PRKX: variants seen among roughly 807,000 people sequenced by gnomAD.
PRKX encodes the protein protein kinase cAMP-dependent X-linked catalytic subunit.
PRKX carries 12 observed loss-of-function variants against 22.0 expected under a neutral mutation model. The observed-to-expected ratio is 0.54, with a 90% confidence interval of 0.35 to 0.88. The LOEUF (loss-of-function observed/expected upper bound fraction) is 0.88. Ranked by LOEUF, PRKX falls within the 40% of genes least tolerant of loss-of-function variation. The probability of loss-of-function intolerance (pLI) is 0.01; values close to 1 mark genes in which losing one functional copy is unlikely to be tolerated. For synonymous variants in PRKX, 134 were observed against 137.7 expected (o/e 0.97, Z 0.19); for missense variants, 217 against 308.0 (o/e 0.70, Z 2.21).
intron 1 of PRKX, among the ~76,000 whole-genome samples, chrX:3,699,043 A>AT (rs1162048420): frequency 1.5e-3 from 93 of 60,787 alleles, no homozygotes; most frequent in Non-Finnish European, 2.1e-3. Flanking sequence ...TTTTTATTTT[A>AT]TTTTTTTTTT....
chrX:3,644,296 G>A (rs1407035920), intron 3 of PRKX, among the ~76,000 whole-genome samples: 2 of 103,181 alleles, frequency 1.9e-5, no homozygotes, highest in Non-Finnish European at 3.9e-5. Flanking sequence ...CAGCTAGTCG[G>A]GAGGCTGAGA....
At chrX:3,662,123 T>C (rs1335004785) in intron 2 of PRKX, among the ~76,000 whole-genome samples, 4 of 111,425 alleles carry the variant, frequency 3.6e-5, no homozygotes, top group African/African-American at 1.3e-4. Flanking sequence ...CTTTGCAGGC[T>C]TGATGTGGAA....
At chrX:3,681,083 A>G (rs1403680511) in intron 1 of PRKX, among the ~76,000 whole-genome samples, 1 of 109,453 alleles carries the variant, frequency 9.1e-6, no homozygotes, top group Non-Finnish European at 1.9e-5. Context: ...AAAAATAAAT[A>G]AATAAAAAAT....
Position 3,713,074 on chromosome X carries a change from C to G in PRKX, c.166+14G>C. ...GCGCCCCTGTGGGCCGAGTCCCCGC[C>G]CGCACTCACTCACCCACGGTGGCCA... On this transcript the variant is annotated intron_variant, in intron 1 of 8. Coordinates refer to ENST00000262848, the MANE Select transcript of PRKX (RefSeq NM_005044.5). The G allele has an allele frequency of 2.6e-6, 3 of 1,158,284 alleles. No individual in the cohort carries two copies. In the South Asian group the frequency reaches 5.7e-5, roughly 22 times the overall value.
chrX:3,677,816 G>T (rs1927995632), intron 1 of PRKX, among the ~76,000 whole-genome samples: 2 of 111,745 alleles, frequency 1.8e-5, no homozygotes, highest in South Asian at 7.4e-4. Flanking sequence ...GAAATAGAAA[G>T]TGAACTACAA....
At position 3,631,510 on chromosome X, in the gene PRKX, A is replaced by G. The variant is rs750925620; in HGVS notation, c.720-4996T>C. 8.3e-5 allele frequency among the ~76,000 whole-genome samples: 9 copies of G among 108,435 alleles called. No individual in the cohort carries two copies. In the South Asian group the frequency reaches 3.6e-3, roughly 43 times the overall value. The allele number at this position is 108,435 out of a possible 115,157, so 94.2% of individuals were successfully genotyped here. A position where few individuals can be genotyped will look rare whatever the true frequency, so the allele number is the denominator to read the frequency against. ...CCCTAGAGCCTCCAGAGGGAACTGG[A>G]TACACGTGTAGTGGATTGAACTGTG... On this transcript the variant is annotated intron_variant, in intron 4 of 8. Coordinates refer to ENST00000262848, the MANE Select transcript of PRKX (RefSeq NM_005044.5).
intron 1 of PRKX, among the ~76,000 whole-genome samples, chrX:3,690,053 A>G (rs952272960): frequency 5.3e-5 from 6 of 112,418 alleles, no homozygotes; most frequent in African/African-American, 1.9e-4. Context: ...TGTGTTTTTA[A>G]AGGGTGAATC....
intron 4 of PRKX, among the ~76,000 whole-genome samples, chrX:3,639,294 G>A (rs1338073952): frequency 1.5e-3 from 1 of 651 alleles, no homozygotes; most frequent in African/African-American, 0.012. Flanking sequence ...AAGGGGTGGG[G>A]GGGTCGGGGG....
chrX:3,651,454 C>T (rs1401032480), intron 3 of PRKX, among the ~76,000 whole-genome samples: 1 of 111,993 alleles, frequency 8.9e-6, no homozygotes. Context: ...CAAGAGAGGG[C>T]AGCACAGATG....
At chrX:3,617,654 AAAAAT>A (rs1310869026) in intron 6 of PRKX, among the ~76,000 whole-genome samples, 1 of 110,219 alleles carries the variant, frequency 9.1e-6, no homozygotes, top group Non-Finnish European at 1.9e-5. Context: ...TTGAAAAAAT[AAAAAT>A]AAAAAAAGTG....
intron 2 of PRKX, among the ~76,000 whole-genome samples, chrX:3,671,893 C>A (rs1927853638): frequency 9.0e-6 from 1 of 111,311 alleles, no homozygotes; most frequent in Non-Finnish European, 1.9e-5. Flanking sequence ...GAGGCCAAGG[C>A]AAGTGGATTG....
At chrX:3,634,143 G>A (rs757563318) in intron 4 of PRKX, among the ~76,000 whole-genome samples, 191 of 110,428 alleles carry the variant, frequency 1.7e-3, no homozygotes, top group African/African-American at 5.8e-3. Flanking sequence ...CCAGCTACTC[G>A]GCAGGCTGAG....
intron 1 of PRKX, among the ~76,000 whole-genome samples, chrX:3,695,276 C>T (rs150596854): frequency 0.057 from 6,404 of 111,825 alleles, 214 homozygotes; most frequent in Middle Eastern, 0.1. Context: ...GCTCTTCCTT[C>T]CTCTTTCTCT....
intron 5 of PRKX, among the ~76,000 whole-genome samples, chrX:3,623,383 T>C (rs1021467473): frequency 1.8e-5 from 2 of 110,067 alleles, no homozygotes; most frequent in East Asian, 2.9e-4. Context: ...AGTAAGACCC[T>C]CGTTTCTACA....
intron 5 of PRKX, among the ~76,000 whole-genome samples, chrX:3,621,950 CCAA>C (rs1420893706): frequency 9.1e-5 from 10 of 110,049 alleles, no homozygotes; most frequent in Non-Finnish European, 1.9e-4. Flanking sequence ...ACCAGCCTGG[CCAA>C]CATGGTGAAA....
intron 1 of PRKX, among the ~76,000 whole-genome samples, chrX:3,682,148 G>A (rs762515186): frequency 1.8e-5 from 2 of 110,394 alleles, no homozygotes; most frequent in Non-Finnish European, 3.8e-5. Context: ...GGTGACGGGA[G>A]AAGGACCGTG....
intron 6 of PRKX, among the ~76,000 whole-genome samples, chrX:3,618,979 G>A (rs1189334551): frequency 1.8e-5 from 2 of 112,166 alleles, no homozygotes; most frequent in African/African-American, 6.5e-5. Context: ...AGACCTGAAG[G>A]TATCCGTTGC....
chrX:3,626,703 C>T (rs1441447498), intron 4 of PRKX, among the ~76,000 whole-genome samples, 189 bp from the exon 5 acceptor site: 2 of 112,296 alleles, frequency 1.8e-5, no homozygotes, highest in Non-Finnish European at 3.8e-5. Context: ...GGCAAGGCAT[C>T]GTGTGCCACA....
chrX:3,701,922 G>A (rs770235038), intron 1 of PRKX, among the ~76,000 whole-genome samples: 15 of 111,872 alleles, frequency 1.3e-4, no homozygotes, highest in Non-Finnish European at 2.4e-4. Context: ...TTCACCTTTC[G>A]TTTACCATAT....
Sources: gnomAD v4.1 joint callset for allele counts (sites outside exome capture counted in the v4.1 genomes callset) on GRCh38, gnomAD v4.1.1 for gene constraint, MANE v1.5 for transcripts, NCBI Gene and HGNC (gene_info 2026-07-23, HGNC 2026-07-21) for gene names.